NRP1: variants seen among roughly 807,000 people sequenced by gnomAD.
NRP1 encodes neuropilin-1.
Under a neutral mutation model 106.7 loss-of-function variants are expected in NRP1, and 35 were observed. That is an observed-to-expected ratio of 0.33 (90% CI 0.25 to 0.43). The LOEUF is 0.43. NRP1 is among the 20% of genes least tolerant of loss of function. The pLI, the probability that NRP1 is intolerant of heterozygous loss-of-function variation, is 1.00. For missense variants in NRP1, 1,024 were observed against 1,170.4 expected, an observed-to-expected ratio of 0.87 and a Z score of 1.83; for synonymous variants, 437 against 417.9, an observed-to-expected ratio of 1.05 and a Z score of -0.56.
chr10:33,181,493 A>G (rs1835682419), intron 16 of NRP1, among the ~76,000 whole-genome samples: 2 of 152,194 alleles, frequency 1.3e-5, no homozygotes, highest in Admixed American at 6.5e-5. Flanking sequence ...GCTGACATGC[A>G]TTGATGATAA....
At position 33,319,206 on chromosome 10, in the gene NRP1, CTG is replaced by C. The variant is rs1294241859; in HGVS notation, c.248+11500_248+11501del. Among the ~76,000 whole-genome samples the C allele has an allele frequency of 7.9e-5, 12 of 151,868 alleles. No individual in the cohort carries two copies. The South Asian group carries it at 2.3e-3, about 29-fold the overall frequency. On this transcript the variant is annotated intron_variant, in intron 2 of 16. Transcript: ENST00000374867. ...ATTTTTAGTAGAGACGGGGGTTTCA[CTG>C]TGTTAGTCAGGATGGTCTTTATCTC...
intron 7 of NRP1, among the ~76,000 whole-genome samples, chr10:33,222,119 T>C (rs2273466): frequency 0.15 from 22,373 of 152,226 alleles, 1,767 homozygotes; most frequent in Middle Eastern, 0.29. Flanking sequence ...ATGGATAATA[T>C]TGATTAAAGA....
chr10:33,301,805 G>A (rs1010956423), intron 2 of NRP1, among the ~76,000 whole-genome samples: 1 of 152,178 alleles, frequency 6.6e-6, no homozygotes, highest in South Asian at 2.1e-4. Context: ...TGAGCGATTC[G>A]TTTTTTAAAA....
chr10:33,289,770 C>T (rs1844852479), intron 2 of NRP1, among the ~76,000 whole-genome samples: 1 of 152,208 alleles, frequency 6.6e-6, no homozygotes, highest in South Asian at 2.1e-4. Context: ...CACCAAGCAT[C>T]AAAAGGTTTG....
At chr10:33,268,717 A>G (rs1465473784) in intron 3 of NRP1, among the ~76,000 whole-genome samples, 1 of 152,226 alleles carries the variant, frequency 6.6e-6, no homozygotes, top group Admixed American at 6.5e-5. Flanking sequence ...ACAGGTAAGC[A>G]AGCAGGTGTA....
chr10:33,321,129 G>A (rs1004678561), intron 2 of NRP1, among the ~76,000 whole-genome samples: 1 of 152,106 alleles, frequency 6.6e-6, no homozygotes, highest in African/African-American at 2.4e-5. Context: ...TGGGATTACA[G>A]GTGCGTGCCA....
chr10:33,241,672 G>A (rs1433772819), intron 6 of NRP1, among the ~76,000 whole-genome samples: 2 of 151,842 alleles, frequency 1.3e-5, no homozygotes, highest in African/African-American at 4.8e-5. Context: ...TGTGTGTGGG[G>A]TGCATCTTTG....
chr10:33,208,732 A>G (rs1838024943), intron 9 of NRP1, among the ~76,000 whole-genome samples: 1 of 152,018 alleles, frequency 6.6e-6, no homozygotes, highest in South Asian at 2.1e-4. Context: ...AACTCATTTA[A>G]TCCTCAGAAC....
intron 13 of NRP1, among the ~76,000 whole-genome samples, chr10:33,189,497 C>A (rs1326747218): frequency 6.6e-6 from 1 of 152,220 alleles, no homozygotes; most frequent in Non-Finnish European, 1.5e-5. Context: ...CATGATCAGA[C>A]TGCGAGTTCC....
intron 16 of NRP1, 97 bp from the exon 17 acceptor site, chr10:33,180,462 A>C: frequency 8.0e-7 from 1 of 1,242,946 alleles, no homozygotes; most frequent in Non-Finnish European, 1.1e-6. Context: ...AGCAAATCAC[A>C]CACCCCAGTT....
chr10:33,183,849 T>C (rs1292411994), intron 15 of NRP1, among the ~76,000 whole-genome samples: 1 of 152,228 alleles, frequency 6.6e-6, no homozygotes, highest in Non-Finnish European at 1.5e-5. Context: ...GGTAGCAGCA[T>C]AAACAAATAA....
intron 3 of NRP1, among the ~76,000 whole-genome samples, chr10:33,266,482 A>T (rs1053469171): frequency 7.1e-6 from 1 of 141,322 alleles, no homozygotes; most frequent in African/African-American, 2.8e-5. Flanking sequence ...CAATTTAAAG[A>T]TTCTGTAACT....
At chr10:33,237,052 G>A (rs1840614728) in intron 6 of NRP1, among the ~76,000 whole-genome samples, 1 of 151,678 alleles carries the variant, frequency 6.6e-6, no homozygotes, top group African/African-American at 2.4e-5. Flanking sequence ...GATAAACTAT[G>A]GAGCCCAGAG....
rs118182941 is a variant in NRP1, at chr10:33,206,470, T to C, written c.1759+1102A>G. On this transcript the variant is annotated intron_variant, in intron 10 of 16. Transcript: ENST00000374867. ...ACATTGAAAAGTAGCTATGAATTAT[T>C]CAGGGGTATGGTGATTGATAGCTCA... 3,569 of 367,952 alleles carry C rather than the reference T, an allele frequency of 9.7e-3. 32 individuals are homozygous for C. Among genetic ancestry groups the C allele is most frequent in the Non-Finnish European group, 0.016 (2,869 of 183,600 alleles). 22.8% of individuals were successfully genotyped at this position (367,952 alleles called of 1,614,324 possible).
intron 3 of NRP1, among the ~76,000 whole-genome samples, chr10:33,267,485 A>C (rs1406408762): frequency 6.6e-6 from 1 of 152,190 alleles, no homozygotes; most frequent in East Asian, 1.9e-4. Context: ...AGAGAATAAT[A>C]ACAGTCAAGA....
intron 6 of NRP1, among the ~76,000 whole-genome samples, chr10:33,227,737 C>T (rs1180250578): frequency 6.6e-6 from 1 of 152,036 alleles, no homozygotes; most frequent in South Asian, 2.1e-4. Context: ...ACTGAAATCT[C>T]GAGGGTCTGT....
chr10:33,228,426 C>A (rs1588779796), intron 6 of NRP1, among the ~76,000 whole-genome samples: 1 of 151,974 alleles, frequency 6.6e-6, no homozygotes, highest in South Asian at 2.1e-4. Flanking sequence ...AAAAGCCAAC[C>A]CCCTCCCAAC....
chr10:33,260,285 T>C (rs956136533), intron 4 of NRP1, among the ~76,000 whole-genome samples: 1 of 152,200 alleles, frequency 6.6e-6, no homozygotes, highest in Admixed American at 6.5e-5. Flanking sequence ...GTGTAGAATA[T>C]CTGGAATACC....
intron 10 of NRP1, among the ~76,000 whole-genome samples, chr10:33,204,140 T>C (rs931042997): frequency 7.2e-5 from 11 of 152,174 alleles, no homozygotes; most frequent in Admixed American, 2.0e-4. Context: ...TGGATAGTTC[T>C]CGTGATGGCT....
Sources: allele counts gnomAD v4.1 joint callset (sites outside exome capture counted in the v4.1 genomes callset), GRCh38; gene constraint gnomAD v4.1.1; transcripts MANE v1.5; gene names NCBI Gene and HGNC (gene_info 2026-07-23, HGNC 2026-07-21).